The following PLCB1 variants were observed in gnomAD, a reference collection of about 807,000 sequenced individuals.
The protein encoded by PLCB1 is phospholipase C beta 1.
Under a neutral mutation model 161.8 loss-of-function variants are expected in PLCB1, and 46 were observed. That is an observed-to-expected ratio of 0.28 (90% CI 0.22 to 0.36). The LOEUF is 0.36. Ranked by LOEUF, PLCB1 falls within the 10% of genes least tolerant of loss-of-function variation. The probability of loss-of-function intolerance (pLI) is 1.00; values close to 1 mark genes in which losing one functional copy is unlikely to be tolerated. For missense variants in PLCB1, 1,016 were observed against 1,472.5 expected (o/e 0.69, Z 5.07); for synonymous variants, 517 against 503.7 (o/e 1.03, Z -0.35).
chr20:8,866,290 C>T (rs796086251), intron 31 of PLCB1, among the ~76,000 whole-genome samples: 60 of 152,298 alleles, frequency 3.9e-4, no homozygotes, highest in Admixed American at 1.2e-3. Flanking sequence ...AAGTGTCTTC[C>T]TCTTCCCAGT....
chr20:8,592,259 T>A (rs1987170845), intron 3 of PLCB1, among the ~76,000 whole-genome samples: 1 of 152,164 alleles, frequency 6.6e-6, no homozygotes, highest in African/African-American at 2.4e-5. Flanking sequence ...GTAAAAAAAT[T>A]GACAAACCAT....
At chr20:8,790,085 C>T in intron 30 of PLCB1, 90 bp from the exon 31 acceptor site, 1 of 805,640 alleles carries the variant, frequency 1.2e-6, no homozygotes. Context: ...CAAATGTAAG[C>T]CATAGATCTG....
intron 31 of PLCB1, among the ~76,000 whole-genome samples, chr20:8,794,779 G>A (rs1983934677): frequency 6.6e-6 from 1 of 150,788 alleles, no homozygotes; most frequent in South Asian, 2.2e-4. Flanking sequence ...AATTTTCTAA[G>A]CCATTGGTAA....
At chr20:8,569,571 G>A (rs1185610030) in intron 3 of PLCB1, among the ~76,000 whole-genome samples, 2 of 152,082 alleles carry the variant, frequency 1.3e-5, no homozygotes, top group South Asian at 2.1e-4. Context: ...TGAAAGAAAC[G>A]AAATAAAACT....
At chr20:8,490,896 A>G (rs1982919240) in intron 3 of PLCB1, among the ~76,000 whole-genome samples, 1 of 147,536 alleles carries the variant, frequency 6.8e-6, no homozygotes, top group African/African-American at 2.5e-5. Context: ...ATCTATATGT[A>G]CACATATATA....
intron 3 of PLCB1, among the ~76,000 whole-genome samples, chr20:8,531,113 T>C (rs1003012007): frequency 1.3e-5 from 2 of 151,968 alleles, no homozygotes; most frequent in Non-Finnish European, 2.9e-5. Flanking sequence ...GAAAAATGAA[T>C]AGGGTCATGG....
intron 3 of PLCB1, among the ~76,000 whole-genome samples, chr20:8,467,722 T>G (rs1338233219): frequency 6.6e-6 from 1 of 152,142 alleles, no homozygotes; most frequent in Non-Finnish European, 1.5e-5. Context: ...CTTTTGAGCA[T>G]TTTCCAGGGT....
intron 31 of PLCB1, among the ~76,000 whole-genome samples, chr20:8,795,115 G>A (rs959059573): frequency 3.9e-5 from 6 of 152,140 alleles, no homozygotes; most frequent in East Asian, 1.9e-4. Flanking sequence ...CTTTCTGGTC[G>A]CTATTTGGTA....
At position 8,774,815 on chromosome 20, in the gene PLCB1, G is replaced by T. The variant is rs568559259; in HGVS notation, c.3111+96G>T. 2.7e-3 allele frequency: 2,630 copies of T among 970,422 alleles called. 15 individuals carry two copies. The highest frequency in any genetic ancestry group is 2.7e-3 in the Non-Finnish European group (1,808 of 657,630). 60.1% of individuals were successfully genotyped at this position (970,422 alleles called of 1,614,324 possible). On this transcript the variant is annotated intron_variant, in intron 27 of 31. Coordinates refer to ENST00000338037, the MANE Select transcript of PLCB1 (RefSeq NM_015192.4). ...GATAACTAAAAGGAGACAAGGGTGG[G>T]TGTGACTGGCACCAACTTGAGAGAT... is the stretch of plus-strand genomic sequence containing the variant.
At chr20:8,411,984 T>C (rs1475824650) in intron 3 of PLCB1, among the ~76,000 whole-genome samples, 5 of 151,526 alleles carry the variant, frequency 3.3e-5, no homozygotes, top group East Asian at 1.9e-4. Context: ...GATTGCACCA[T>C]TGCACTCCAA....
intron 3 of PLCB1, among the ~76,000 whole-genome samples, chr20:8,543,906 CA>C (rs752616223): frequency 3.9e-5 from 6 of 152,176 alleles, no homozygotes; most frequent in Non-Finnish European, 8.8e-5. Context: ...CCTCCCCAGC[CA>C]TACAGAAATG....
At chr20:8,329,207 A>G (rs899095870) in intron 2 of PLCB1, among the ~76,000 whole-genome samples, 3 of 152,210 alleles carry the variant, frequency 2.0e-5, no homozygotes, top group African/African-American at 7.2e-5. Context: ...AAGATTTTTT[A>G]AAGTCTTATT....
chr20:8,735,396 A>G (rs1219221665), intron 19 of PLCB1, among the ~76,000 whole-genome samples: 1 of 152,226 alleles, frequency 6.6e-6, no homozygotes, highest in African/African-American at 2.4e-5. Context: ...CAGAATGGAG[A>G]CGCTGCTCCA....
chr20:8,494,397 G>A (rs867842554), intron 3 of PLCB1, among the ~76,000 whole-genome samples: 3 of 152,058 alleles, frequency 2.0e-5, no homozygotes, highest in Admixed American at 1.3e-4. Flanking sequence ...TCATGTATTC[G>A]AGATAAGATA....
intron 31 of PLCB1, among the ~76,000 whole-genome samples, chr20:8,873,793 A>G (rs1987685703): frequency 4.6e-5 from 7 of 152,012 alleles, no homozygotes. Context: ...TCTTTAAGTG[A>G]GAGCCTTATG....
intron 2 of PLCB1, among the ~76,000 whole-genome samples, chr20:8,356,116 A>G (rs1435221500): frequency 6.6e-6 from 1 of 152,160 alleles, no homozygotes; most frequent in African/African-American, 2.4e-5. Context: ...TATTTTGTTC[A>G]AAAATAACAT....
At chr20:8,235,124 T>C (rs770283662) in intron 2 of PLCB1, among the ~76,000 whole-genome samples, 4 of 152,146 alleles carry the variant, frequency 2.6e-5, no homozygotes, top group Non-Finnish European at 4.4e-5. Flanking sequence ...ATATGCACCA[T>C]ATGTGGCTAT....
At chr20:8,780,082 T>TA (rs1444649253) in intron 27 of PLCB1, among the ~76,000 whole-genome samples, 1 of 152,182 alleles carries the variant, frequency 6.6e-6, no homozygotes, top group Non-Finnish European at 1.5e-5. Flanking sequence ...GGTCAGGGAA[T>TA]CTGTTCTAAT....
intron 31 of PLCB1, among the ~76,000 whole-genome samples, chr20:8,868,006 T>C (rs991326958): frequency 2.5e-4 from 38 of 152,346 alleles, no homozygotes; most frequent in African/African-American, 8.7e-4. Context: ...TATATTTCCT[T>C]GTTTATTAGC....
Sources: gnomAD v4.1 joint callset for allele counts (sites outside exome capture counted in the v4.1 genomes callset) on GRCh38, gnomAD v4.1.1 for gene constraint, MANE v1.5 for transcripts, NCBI Gene and HGNC (gene_info 2026-07-23, HGNC 2026-07-21) for gene names.